Variants in ATRNL1 observed in about 807,000 individuals in gnomAD.
ATRNL1 encodes the protein attractin-like protein 1.
A neutral mutation model predicts 182.7 loss-of-function variants in ATRNL1; 95 were observed. The ratio of observed to expected loss-of-function variants is 0.52; its 90% CI spans 0.44 to 0.62. ATRNL1 has a LOEUF of 0.62. Ranked by LOEUF, ATRNL1 falls within the 20% of genes least tolerant of loss-of-function variation. The pLI, the probability that ATRNL1 is intolerant of heterozygous loss-of-function variation, is 0.00. For missense variants in ATRNL1, 1,471 were observed against 1,679.5 expected (o/e 0.88, Z 2.17); for synonymous variants, 576 against 568.3 (o/e 1.01, Z -0.19).
intron 20 of ATRNL1, among the ~76,000 whole-genome samples, chr10:115,411,890 T>C (rs568930458): frequency 1.3e-5 from 2 of 152,240 alleles, no homozygotes; most frequent in African/African-American, 4.8e-5. Flanking sequence ...TATAAAATTC[T>C]ATCTATAACA....
At chr10:115,328,494 A>G (rs1295278048) in intron 18 of ATRNL1, among the ~76,000 whole-genome samples, 1 of 152,076 alleles carries the variant, frequency 6.6e-6, no homozygotes, top group Non-Finnish European at 1.5e-5. Context: ...TAATCACCTT[A>G]CTACTGTTCT....
At chr10:115,464,997 G>T (rs1316006125) in intron 22 of ATRNL1, among the ~76,000 whole-genome samples, 1 of 151,454 alleles carries the variant, frequency 6.6e-6, no homozygotes, top group African/African-American at 2.4e-5. Context: ...TGAAACCAAA[G>T]TTTTTTTTCC....
At chr10:115,115,104 T>G (rs927717348) in intron 1 of ATRNL1, among the ~76,000 whole-genome samples, 3 of 152,152 alleles carry the variant, frequency 2.0e-5, no homozygotes, top group African/African-American at 7.2e-5. Flanking sequence ...TAGAGGCCAT[T>G]AGGTTATGCA....
chr10:115,821,396 A>C (rs1337116929), intron 27 of ATRNL1, among the ~76,000 whole-genome samples: 1 of 152,130 alleles, frequency 6.6e-6, no homozygotes, highest in East Asian at 1.9e-4. Flanking sequence ...GGTGGTTGGT[A>C]CTGGTTTTTC....
intron 24 of ATRNL1, among the ~76,000 whole-genome samples, chr10:115,492,973 A>G (rs1390622992): frequency 5.3e-5 from 8 of 152,110 alleles, no homozygotes; most frequent in African/African-American, 1.9e-4. Flanking sequence ...GGAAATGTTC[A>G]TTAGCTTCAT....
At chr10:115,426,626 A>G (rs970002898) in intron 21 of ATRNL1, among the ~76,000 whole-genome samples, 25 of 152,176 alleles carry the variant, frequency 1.6e-4, no homozygotes, top group African/African-American at 5.8e-4. Flanking sequence ...TTTATAATAG[A>G]TATTTTGCAG....
At chr10:115,681,558 T>C (rs117092211) in intron 26 of ATRNL1, among the ~76,000 whole-genome samples, 184 of 152,246 alleles carry the variant, frequency 1.2e-3, no homozygotes, top group Non-Finnish European at 2.2e-3. Context: ...TATACTAGTA[T>C]CCTTCCGTTT....
chr10:115,504,500 T>A (rs1554980819), intron 24 of ATRNL1, among the ~76,000 whole-genome samples: 1 of 152,060 alleles, frequency 6.6e-6, no homozygotes, highest in East Asian at 1.9e-4. Flanking sequence ...CATGTTAATG[T>A]CTTATTTACT....
chr10:115,591,712 G>A (rs116386404), intron 26 of ATRNL1, among the ~76,000 whole-genome samples: 2,874 of 152,194 alleles, frequency 0.019, 106 homozygotes, highest in African/African-American at 0.066. Flanking sequence ...TCCAAAACGC[G>A]TATATACTTT....
chr10:115,236,576 GT>G (rs1219662068), intron 9 of ATRNL1, among the ~76,000 whole-genome samples: 12 of 151,972 alleles, frequency 7.9e-5, no homozygotes, highest in South Asian at 2.1e-4. Context: ...TGTTTGTTTT[GT>G]TTTTTTAACA....
chr10:115,436,502 C>T (rs1846412628), intron 21 of ATRNL1, among the ~76,000 whole-genome samples: 1 of 152,002 alleles, frequency 6.6e-6, no homozygotes, highest in African/African-American at 2.4e-5. Flanking sequence ...AAATGCTGAA[C>T]CTACAAAACT....
At chr10:115,827,019 A>T (rs1555092201) in intron 27 of ATRNL1, among the ~76,000 whole-genome samples, 1 of 152,278 alleles carries the variant, frequency 6.6e-6, no homozygotes, top group African/African-American at 2.4e-5. Flanking sequence ...TTCAAGTGTC[A>T]TACATCAAAA....
intron 26 of ATRNL1, among the ~76,000 whole-genome samples, chr10:115,607,668 A>G (rs782206341): frequency 4.6e-5 from 7 of 151,810 alleles, no homozygotes; most frequent in Non-Finnish European, 8.9e-5. Context: ...TCTTTTCTTT[A>G]GTTCCATTCT....
intron 26 of ATRNL1, among the ~76,000 whole-genome samples, chr10:115,648,307 A>G (rs1278988335): frequency 6.6e-6 from 1 of 152,208 alleles, no homozygotes; most frequent in Non-Finnish European, 1.5e-5. Context: ...ATAAAAGAGG[A>G]CACAAACAAA....
At chr10:115,490,181 G>A (rs190318287) in intron 24 of ATRNL1, among the ~76,000 whole-genome samples, 1 of 151,992 alleles carries the variant, frequency 6.6e-6, no homozygotes, top group Non-Finnish European at 1.5e-5. Context: ...TTGAACATTG[G>A]TGAATCTGAT....
At chr10:115,757,179 G>A (rs1948612950) in intron 27 of ATRNL1, among the ~76,000 whole-genome samples, 2 of 152,124 alleles carry the variant, frequency 1.3e-5, no homozygotes, top group South Asian at 2.1e-4. Flanking sequence ...ATATTGTTAT[G>A]TGTGAATTTG....
At chr10:115,520,473 GA>G (rs1277398923) in intron 25 of ATRNL1, among the ~76,000 whole-genome samples, 2 of 152,128 alleles carry the variant, frequency 1.3e-5, no homozygotes, top group African/African-American at 4.8e-5. Context: ...AGCCAATATG[GA>G]AACAAATGGG....
chr10:115,389,548 A>ATATATATGTG (rs1564989841), intron 19 of ATRNL1, among the ~76,000 whole-genome samples: 1 of 30,196 alleles, frequency 3.3e-5, no homozygotes, highest in South Asian at 1.2e-3. Context: ...GTGTATATAT[A>ATATATATGTG]TATATATATA....
intron 7 of ATRNL1, among the ~76,000 whole-genome samples, chr10:115,167,228 CT>C (rs1847086601): frequency 6.8e-6 from 1 of 147,958 alleles, no homozygotes; most frequent in Non-Finnish European, 1.5e-5. Context: ...TTTTTTTTTT[CT>C]GGACTCTCTA....
Sources: allele counts gnomAD v4.1 joint callset (sites outside exome capture counted in the v4.1 genomes callset), GRCh38; gene constraint gnomAD v4.1.1; transcripts MANE v1.5; gene names NCBI Gene and HGNC (gene_info 2026-07-23, HGNC 2026-07-21).